FBXO4: variants seen among roughly 807,000 people sequenced by gnomAD.
The protein encoded by FBXO4 is F-box protein 4, also known as F-box only protein 4.
In FBXO4, 36 loss-of-function variants were observed where a neutral mutation model predicts 43.7. The observed-to-expected ratio is 0.82, with a 90% CI of 0.63 to 1.09. The LOEUF is 1.09. FBXO4 is among the 50% of genes least tolerant of loss of function. The pLI is 0.00. For missense variants in FBXO4, 435 were observed against 474.1 expected (o/e 0.92, Z 0.77); for synonymous variants, 180 against 165.6 (o/e 1.09, Z -0.67).
chr5:42,039,722 C>T, the FBXO4 span, among the ~76,000 whole-genome samples: 1 of 151,998 alleles, frequency 6.6e-6, no homozygotes, highest in South Asian at 2.1e-4. Flanking sequence ...GATAATGTTA[C>T]CTTATACGGC....
the FBXO4 span, among the ~76,000 whole-genome samples, chr5:42,034,817 C>A: frequency 6.6e-6 from 1 of 152,036 alleles, no homozygotes; most frequent in East Asian, 1.9e-4. Context: ...TAGCTTTGTT[C>A]CTCTTGGTTA....
the FBXO4 span, among the ~76,000 whole-genome samples, chr5:41,998,300 C>G: frequency 6.6e-6 from 1 of 152,178 alleles, no homozygotes; most frequent in Non-Finnish European, 1.5e-5. Context: ...CAATTACAGG[C>G]GCCTTCAAAG....
chr5:42,019,707 A>AT, the FBXO4 span, among the ~76,000 whole-genome samples: 2 of 151,656 alleles, frequency 1.3e-5, no homozygotes, highest in African/African-American at 4.8e-5. Context: ...AAAAAAAAAA[A>AT]CCAAGAAAGA....
the FBXO4 span, among the ~76,000 whole-genome samples, chr5:42,016,014 G>A: frequency 9.2e-5 from 14 of 152,156 alleles, no homozygotes; most frequent in East Asian, 1.9e-4. Flanking sequence ...AGTGCATTTA[G>A]GTAGAAATGT....
chr5:41,957,450 T>C, the FBXO4 span, among the ~76,000 whole-genome samples: 1 of 148,226 alleles, frequency 6.7e-6, no homozygotes, highest in Non-Finnish European at 1.5e-5. Flanking sequence ...TATATAATTA[T>C]ATTATAATTA....
At chr5:41,939,262 A>G (rs765439582) in intron 5 of FBXO4, 179 bp from the exon 6 acceptor site, 57 of 500,038 alleles carry the variant, frequency 1.1e-4, no homozygotes, top group Non-Finnish European at 1.9e-4. Context: ...AACTACCTGT[A>G]TCAAGCATTT....
the FBXO4 span, among the ~76,000 whole-genome samples, chr5:42,001,337 C>T: frequency 2.0e-5 from 3 of 152,108 alleles, no homozygotes; most frequent in East Asian, 5.8e-4. Context: ...TCAAGTGATT[C>T]TCCTCTCTCA....
the FBXO4 span, chr5:41,967,487 G>A: frequency 1.1e-5 from 7 of 661,220 alleles, no homozygotes; most frequent in African/African-American, 7.2e-5. Flanking sequence ...CTCTTTGGGG[G>A]TATATCAATG....
the FBXO4 span, among the ~76,000 whole-genome samples, chr5:41,979,046 G>A: frequency 6.6e-6 from 1 of 152,096 alleles, no homozygotes; most frequent in African/African-American, 2.4e-5. Flanking sequence ...TCTTTTTACA[G>A]GCAATGCATA....
chr5:41,927,081 T>A lies in FBXO4; in HGVS notation c.258T>A (p.Asn86Lys), dbSNP rs1227070940. ...PHDLCQLGST[N>K]HYWNETVRDP... ...ATCTGTGTCAGTTGGGAAGTACAAA[T>A]CATTATTGGAATGAAACTGTAAGAG... The change falls in exon 2 of 7, where the codon AAT becomes AAA. Residue 86 changes from asparagine to lysine, a missense_variant. Physicochemically the swap from Asn to Lys is moderately conservative, Grantham distance 94. Transcript: ENST00000281623. 1 of 1,613,910 alleles carries A rather than the reference T, an allele frequency of 6.2e-7. No homozygotes were observed. The highest frequency in any genetic ancestry group is 1.1e-5 in the South Asian group (1 of 91,062).
chr5:41,930,506 A>G (rs1339677203), intron 3 of FBXO4, among the ~76,000 whole-genome samples: 1 of 152,214 alleles, frequency 6.6e-6, no homozygotes, highest in Non-Finnish European at 1.5e-5. Context: ...TAACTAGAAT[A>G]TGATGTATTT....
chr5:42,012,481 C>T, the FBXO4 span, among the ~76,000 whole-genome samples: 2 of 152,164 alleles, frequency 1.3e-5, no homozygotes, highest in Admixed American at 1.3e-4. Flanking sequence ...GGGTCTTTTA[C>T]TGGGCACTGT....
At chr5:41,966,391 G>T in the FBXO4 span, among the ~76,000 whole-genome samples, 1 of 151,982 alleles carries the variant, frequency 6.6e-6, no homozygotes, top group Admixed American at 6.6e-5. Flanking sequence ...TAACAATGAA[G>T]TTAAACTGTA....
the FBXO4 span, among the ~76,000 whole-genome samples, chr5:41,969,082 T>TA: frequency 1.8e-4 from 28 of 152,196 alleles, no homozygotes; most frequent in Non-Finnish European, 3.7e-4. Flanking sequence ...TTATTTTGGG[T>TA]AACCTTCTTT....
the FBXO4 span, among the ~76,000 whole-genome samples, chr5:41,948,137 C>CTT: frequency 6.8e-4 from 94 of 138,028 alleles, 1 homozygote; most frequent in African/African-American, 1.7e-3. Flanking sequence ...TGGCTACAAT[C>CTT]TTTTTTTTTT....
intron 1 of FBXO4, 103 bp from the exon 2 acceptor site, chr5:41,926,910 A>C: frequency 1.6e-6 from 1 of 618,556 alleles, no homozygotes; most frequent in South Asian, 2.3e-5. Context: ...TAAAAATACT[A>C]GTCAGTTGAC....
the FBXO4 span, among the ~76,000 whole-genome samples, chr5:42,020,162 T>C: frequency 6.6e-6 from 1 of 152,134 alleles, no homozygotes; most frequent in Non-Finnish European, 1.5e-5. Context: ...GTGCCCCCAA[T>C]ATTTCAGTTT....
Position 41,939,596 on chromosome 5 carries a change from C to T in FBXO4, c.1054C>T (p.Leu352Phe). 1 of 1,612,562 alleles carries T rather than the reference C, an allele frequency of 6.2e-7. No homozygotes were observed. The highest frequency in any genetic ancestry group is 8.5e-7 in the Non-Finnish European group (1 of 1,179,190). ...TTTGGCTCATGAGCTGCATCTGAATCTTCTAAATCACCCATGGCTGGTAAG... is the reference window on the plus strand; with the variant it reads ...TTTGGCTCATGAGCTGCATCTGAATTTTCTAAATCACCCATGGCTGGTAAG... ...FYLAHELHLN[L>F]LNHPWLVQDT... is the part of the protein sequence containing the mutation. Residue 352 changes from leucine (L) to phenylalanine (F), a missense_variant, in exon 6 of 7, where the codon CTT becomes TTT. By Grantham distance (22) the Leu-to-Phe change is conservative. Coordinates refer to ENST00000281623, the MANE Select transcript of FBXO4 (RefSeq NM_012176.3).
At chr5:41,925,827 T>C (rs901482907) in intron 1 of FBXO4, among the ~76,000 whole-genome samples, 1 of 152,148 alleles carries the variant, frequency 6.6e-6, no homozygotes, top group African/African-American at 2.4e-5. Flanking sequence ...GTTACGGAAA[T>C]GAGACAGTTC....
Sources: gnomAD v4.1 joint callset for allele counts (sites outside exome capture counted in the v4.1 genomes callset) on GRCh38, gnomAD v4.1.1 for gene constraint, MANE v1.5 for transcripts, NCBI Gene and HGNC (gene_info 2026-07-23, HGNC 2026-07-21) for gene names.